Variants in DLGAP1 observed in about 807,000 individuals in gnomAD.
DLGAP1 encodes disks large-associated protein 1.
A neutral mutation model predicts 90.8 loss-of-function variants in DLGAP1; 11 were observed. That is an observed-to-expected ratio of 0.12 (90% CI 0.08 to 0.20). The LOEUF is 0.20. Ranked by LOEUF, DLGAP1 falls within the 10% of genes least tolerant of loss-of-function variation. The pLI is 1.00. For missense variants in DLGAP1, 1,050 were observed against 1,333.8 expected, an observed-to-expected ratio of 0.79 and a Z score of 3.31; for synonymous variants, 558 against 540.7, an observed-to-expected ratio of 1.03 and a Z score of -0.44.
chr18:4,309,434 G>A (rs915160305), intron 1 of DLGAP1, among the ~76,000 whole-genome samples: 2 of 152,162 alleles, frequency 1.3e-5, no homozygotes, highest in African/African-American at 4.8e-5. Flanking sequence ...CAGATTTGAT[G>A]GGATTTAGAA....
intron 7 of DLGAP1, among the ~76,000 whole-genome samples, chr18:3,611,731 A>G (rs959014621): frequency 1.3e-5 from 2 of 152,176 alleles, no homozygotes; most frequent in African/African-American, 4.8e-5. Context: ...ATCACCCTCC[A>G]GTTCAGAAAA....
intron 1 of DLGAP1, among the ~76,000 whole-genome samples, chr18:4,392,959 A>C (rs2082368405): frequency 6.6e-6 from 1 of 151,168 alleles, no homozygotes; most frequent in South Asian, 2.1e-4. Context: ...TACGTAATCC[A>C]TCAGCAAGTC....
At chr18:3,938,601 G>C in intron 3 of DLGAP1, among the ~76,000 whole-genome samples, 1 of 152,192 alleles carries the variant, frequency 6.6e-6, no homozygotes. Context: ...TATACCCCAG[G>C]TGCCCAGGAG....
chr18:4,386,979 T>C (rs1481402912), intron 1 of DLGAP1, among the ~76,000 whole-genome samples: 1 of 152,150 alleles, frequency 6.6e-6, no homozygotes, highest in Non-Finnish European at 1.5e-5. Flanking sequence ...TATTCTGAGA[T>C]AAGTAAGAGT....
At chr18:3,632,795 T>C (rs1257923187) in intron 7 of DLGAP1, among the ~76,000 whole-genome samples, 1 of 152,204 alleles carries the variant, frequency 6.6e-6, no homozygotes, top group Non-Finnish European at 1.5e-5. Flanking sequence ...AAATATATCA[T>C]TCATGGCTTG....
At chr18:4,393,796 A>G (rs982042472) in intron 1 of DLGAP1, among the ~76,000 whole-genome samples, 1 of 152,194 alleles carries the variant, frequency 6.6e-6, no homozygotes, top group Non-Finnish European at 1.5e-5. Context: ...TTCTGGGATG[A>G]AACTGTTCCA....
At chr18:3,672,622 C>T (rs1392103204) in intron 7 of DLGAP1, among the ~76,000 whole-genome samples, 2 of 104,700 alleles carry the variant, frequency 1.9e-5, no homozygotes, top group Admixed American at 2.0e-4. Flanking sequence ...TAATGAGAAA[C>T]AGGTAGATAA....
intron 3 of DLGAP1, among the ~76,000 whole-genome samples, chr18:3,944,522 G>A (rs1019488833): frequency 5.3e-5 from 8 of 152,112 alleles, no homozygotes; most frequent in Admixed American, 4.6e-4. Context: ...AGTGCAAGGT[G>A]ACTGTGGCTA....
chr18:3,741,097 C>CCACCAT (rs1568048367), intron 6 of DLGAP1, among the ~76,000 whole-genome samples: 1 of 130,780 alleles, frequency 7.6e-6, no homozygotes, highest in African/African-American at 3.1e-5. Context: ...ATCACCACCA[C>CCACCAT]CACCATCACC....
chr18:4,332,633 A>T (rs764876828), intron 1 of DLGAP1, among the ~76,000 whole-genome samples: 6 of 151,976 alleles, frequency 3.9e-5, no homozygotes, highest in Non-Finnish European at 5.9e-5. Context: ...CCAATACAAA[A>T]GGCAGAGACA....
At chr18:4,239,337 ATTTAT>A (rs996409179) in intron 1 of DLGAP1, among the ~76,000 whole-genome samples, 9 of 152,148 alleles carry the variant, frequency 5.9e-5, no homozygotes, top group African/African-American at 2.2e-4. Context: ...TTTTTTCATC[ATTTAT>A]TTGATGAATT....
At chr18:4,127,046 T>G (rs951350509) in intron 2 of DLGAP1, among the ~76,000 whole-genome samples, 1 of 152,214 alleles carries the variant, frequency 6.6e-6, no homozygotes, top group African/African-American at 2.4e-5. Context: ...CCCTGATCAT[T>G]TGGCTTATGA....
At chr18:4,169,688 G>A (rs892956340) in intron 1 of DLGAP1, among the ~76,000 whole-genome samples, 10 of 152,184 alleles carry the variant, frequency 6.6e-5, no homozygotes, top group Admixed American at 5.2e-4. Flanking sequence ...AGTGTTATTA[G>A]TCAAAATAAA....
At chr18:4,239,780 A>G (rs2078493258) in intron 1 of DLGAP1, among the ~76,000 whole-genome samples, 1 of 152,150 alleles carries the variant, frequency 6.6e-6, no homozygotes, top group Admixed American at 6.6e-5. Flanking sequence ...AGAATCTAAA[A>G]TAATATTTAT....
Position 4,147,012 on chromosome 18 carries a change from A to G in DLGAP1, c.-159+4168T>C, listed in dbSNP as rs146044645. ...AAAGTAGGAAAAATTTACCAAGCCA[A>G]TCATGGGATGATGCATGCAGATAAA... On this transcript the variant is annotated intron_variant, in intron 2 of 12. Transcript: ENST00000315677. Among the ~76,000 whole-genome samples, 102 of 152,344 alleles carry G rather than the reference A, an allele frequency of 6.7e-4. No homozygotes were observed. The South Asian group carries it at 0.01, about 15-fold the overall frequency.
chr18:3,963,336 C>T (rs894850960), intron 3 of DLGAP1, among the ~76,000 whole-genome samples: 6 of 152,094 alleles, frequency 3.9e-5, no homozygotes, highest in Non-Finnish European at 8.8e-5. Context: ...AAGAGCTTTT[C>T]CTTTGTTGAG....
At chr18:3,672,337 G>A (rs1189996798) in intron 7 of DLGAP1, among the ~76,000 whole-genome samples, 1 of 151,804 alleles carries the variant, frequency 6.6e-6, no homozygotes, top group Non-Finnish European at 1.5e-5. Flanking sequence ...CAGCACTTTG[G>A]GAGGCTGAGG....
At chr18:4,067,926 T>C (rs12607266) in intron 2 of DLGAP1, among the ~76,000 whole-genome samples, 66,379 of 151,800 alleles carry the variant, frequency 0.44, 15,587 homozygotes, top group African/African-American at 0.61. Flanking sequence ...TGTATGGTCT[T>C]AGGACCTCTT....
At chr18:3,741,046 C>CCACCACCACCACCATCACCT (rs2062923130) in intron 6 of DLGAP1, among the ~76,000 whole-genome samples, 2 of 117,878 alleles carry the variant, frequency 1.7e-5, no homozygotes, top group African/African-American at 3.4e-5. Context: ...CATCACCTCA[C>CCACCACCACCACCATCACCT]CACCACCACC....
Sources: allele counts gnomAD v4.1 joint callset (sites outside exome capture counted in the v4.1 genomes callset), GRCh38; gene constraint gnomAD v4.1.1; transcripts MANE v1.5; gene names NCBI Gene and HGNC (gene_info 2026-07-23, HGNC 2026-07-21).